The following GGT1 variants were observed in gnomAD, a reference collection of about 807,000 sequenced individuals.
GGT1 encodes gamma-glutamyltransferase 1.
A neutral mutation model predicts 56.0 loss-of-function variants in GGT1; 21 were observed. The observed-to-expected ratio is 0.38, with a 90% CI of 0.27 to 0.54. The LOEUF is 0.54. Among genes scored for constraint, GGT1 ranks in the 20% least tolerant of loss-of-function variants. GGT1 has a pLI of 0.82. For synonymous variants in GGT1, 238 were observed against 342.6 expected (o/e 0.69, Z 3.37); for missense variants, 466 against 787.0 (o/e 0.59, Z 4.88).
chr22:24,590,034 G>A, upstream of GGT1: 1 of 1,409,988 alleles, frequency 7.1e-7, no homozygotes, highest in Non-Finnish European at 9.4e-7. Flanking sequence ...TGCTGCTTAT[G>A]CCCGTTCCTG....
chr22:24,599,909 A>T (rs2045756632), upstream of GGT1, among the ~76,000 whole-genome samples: 1 of 152,188 alleles, frequency 6.6e-6, no homozygotes, highest in African/African-American at 2.4e-5. Flanking sequence ...GTGGGTGAAC[A>T]GGTGTGCTTG....
chr22:24,601,517 C>G (rs1382838680), upstream of GGT1, among the ~76,000 whole-genome samples: 1 of 152,228 alleles, frequency 6.6e-6, no homozygotes, highest in Non-Finnish European at 1.5e-5. Context: ...ATGCCAGGAG[C>G]TCCCTTCTTG....
chr22:24,611,078 A>G lies in GGT1; in HGVS notation c.-4A>G. 6.2e-7 allele frequency: 1 copy of G among 1,600,766 alleles called. No homozygotes were observed. The highest frequency in any genetic ancestry group is 8.5e-7 in the Non-Finnish European group (1 of 1,174,178). On this transcript the variant is annotated 5_prime_UTR_variant, in exon 5 of 16. Coordinates refer to ENST00000400382, the MANE Select transcript of GGT1 (RefSeq NM_001288833.2). ...GCTTCTTACCCCGTGGGTGCAGCAGAGCCATGAAGAAGAAGTTAGTGGTGC... is the reference window on the plus strand; with the variant it reads ...GCTTCTTACCCCGTGGGTGCAGCAGGGCCATGAAGAAGAAGTTAGTGGTGC...
At chr22:24,604,651 C>T (rs1160209642) in intron 1 of GGT1, among the ~76,000 whole-genome samples, 1 of 151,998 alleles carries the variant, frequency 6.6e-6, no homozygotes, top group Non-Finnish European at 1.5e-5. Context: ...CTAGGCCAGC[C>T]CCTGCAGTCC....
the GGT1 span, chr22:24,588,089 C>A: frequency 1.2e-4 from 90 of 732,520 alleles, no homozygotes; most frequent in Non-Finnish European, 1.9e-4. Context: ...GGCCCTCATG[C>A]GGACCAGGTG....
intron 7 of GGT1, 80 bp downstream of exon 7, chr22:24,615,207 C>T: frequency 9.9e-7 from 1 of 1,013,440 alleles, no homozygotes; most frequent in South Asian, 1.4e-5. Context: ...CAGGAGCCTG[C>T]TCCCGTCAGG....
chr22:24,605,726 T>TTA (rs2046178962), intron 1 of GGT1, among the ~76,000 whole-genome samples: 2 of 69,128 alleles, frequency 2.9e-5, no homozygotes, highest in African/African-American at 2.7e-4. Context: ...TATTATATAT[T>TTA]ATATAATATT....
rs1230948936 is a variant in GGT1, at chr22:24,627,132, G to T, written c.1021-300G>T. 1.7e-5 allele frequency: 12 copies of T among 710,532 alleles called. No individual in the cohort carries two copies. In the East Asian group the frequency reaches 2.4e-4, roughly 14 times the overall value. The allele number at this position is 710,532 out of a possible 1,614,324, so 44.0% of individuals were successfully genotyped here. On this transcript the variant is annotated intron_variant, in intron 11 of 15. Transcript: ENST00000400382. ...TTCCCTGTTGATTCCCCAGTGCCAG[G>T]CATGCAGTGCAAACTCTAGAAATAT...
chr22:24,611,054 C>A, intron 4 of GGT1, 21 bp from the exon 5 acceptor site: 5 of 1,590,638 alleles, frequency 3.1e-6, no homozygotes, highest in Non-Finnish European at 4.3e-6. Flanking sequence ...CCTGACCCTG[C>A]TTCTTACCCC....
intron 7 of GGT1, among the ~76,000 whole-genome samples, chr22:24,616,410 G>A (rs1202051530): frequency 6.1e-5 from 9 of 147,372 alleles, no homozygotes; most frequent in African/African-American, 2.0e-4. Flanking sequence ...ATGAAGCTCC[G>A]TCTCAAAAAA....
At position 24,623,112 on chromosome 22, in the gene GGT1, A is replaced by G. The variant is rs201702239; in HGVS notation, c.739A>G (p.Ile247Val). ...GAGCTGCTGTCCCATTGCAGGGGGC[A>G]TTGTGACAGCTGAGGACCTGAACAA... ...IVKDIQAAGG[I>V]VTAEDLNNYR... The change falls in exon 10 of 16, where the codon ATT becomes GTT. Residue 247 changes from isoleucine to valine, a missense_variant. Ile to Val is a conservative substitution (Grantham distance 29). Coordinates refer to ENST00000400382, the MANE Select transcript of GGT1 (RefSeq NM_001288833.2). 5.0e-6 allele frequency: 8 copies of G among 1,611,700 alleles called. No individual in the cohort carries two copies. The highest frequency in any genetic ancestry group is 6.8e-6 in the Non-Finnish European group (8 of 1,179,806).
chr22:24,615,217 G>C (rs2046984083), intron 7 of GGT1, 90 bp downstream of exon 7: 2 of 894,274 alleles, frequency 2.2e-6, no homozygotes, highest in African/African-American at 3.3e-5. Context: ...CTCCCGTCAG[G>C]GTTCAGGGGC....
At chr22:24,593,225 A>C, upstream of GGT1, 1 of 470,002 alleles carries the variant, frequency 2.1e-6, no homozygotes, top group Non-Finnish European at 2.8e-6. Context: ...GCCTGATCAC[A>C]CTGGAGGAGG....
chr22:24,625,344 G>T (rs963163296), intron 11 of GGT1, among the ~76,000 whole-genome samples: 5 of 152,232 alleles, frequency 3.3e-5, no homozygotes, highest in African/African-American at 1.2e-4. Flanking sequence ...TGTGATCTTG[G>T]CTCACTGCAG....
intron 1 of GGT1, among the ~76,000 whole-genome samples, chr22:24,603,808 G>C (rs1269078982): frequency 6.6e-6 from 1 of 151,920 alleles, no homozygotes; most frequent in East Asian, 1.9e-4. Flanking sequence ...GATGGGGTTG[G>C]GGGACCCTGT....
chr22:24,606,007 TATATC>T (rs1196343424), intron 1 of GGT1, among the ~76,000 whole-genome samples: 457 of 36,768 alleles, frequency 0.012, 102 homozygotes, highest in South Asian at 0.021. Context: ...ATTTATATAA[TATATC>T]ATATATTATA....
chr22:24,589,887 G>A (rs2045517855), upstream of GGT1: 1 of 1,613,724 alleles, frequency 6.2e-7, no homozygotes, highest in South Asian at 1.1e-5. Flanking sequence ...GGTCGACCGG[G>A]TTGAGGAAGG....
chr22:24,626,209 G>A lies in GGT1; in HGVS notation c.1021-1223G>A, dbSNP rs1253117140. 5.4e-5 allele frequency among the ~76,000 whole-genome samples: 8 copies of A among 149,052 alleles called. No homozygotes were observed. In the East Asian group the frequency reaches 7.8e-4, roughly 15 times the overall value. ...GGGTTTCACTGTGTTAGCCAGGATGGTCTCGATCTCCTGACGTCGTGATCC... is the reference window on the plus strand; with the variant it reads ...GGGTTTCACTGTGTTAGCCAGGATGATCTCGATCTCCTGACGTCGTGATCC... On this transcript the variant is annotated intron_variant, in intron 11 of 15. Coordinates refer to ENST00000400382, the MANE Select transcript of GGT1 (RefSeq NM_001288833.2).
chr22:24,589,633 C>A, the GGT1 span: 1 of 684,838 alleles, frequency 1.5e-6, no homozygotes, highest in African/African-American at 1.8e-5. Flanking sequence ...ACAGCTCACA[C>A]TTGCTCTAGC....
Sources: gnomAD v4.1 joint callset for allele counts (sites outside exome capture counted in the v4.1 genomes callset) on GRCh38, gnomAD v4.1.1 for gene constraint, MANE v1.5 for transcripts, NCBI Gene and HGNC (gene_info 2026-07-23, HGNC 2026-07-21) for gene names.